Variants in RELN observed in about 807,000 individuals in gnomAD.
The protein encoded by RELN is reelin.
Under a neutral mutation model 427.6 loss-of-function variants are expected in RELN, and 108 were observed. That is an observed-to-expected ratio of 0.25 (90% CI 0.22 to 0.30). The LOEUF (loss-of-function observed/expected upper bound fraction) is 0.30. Among genes scored for constraint, RELN ranks in the 10% least tolerant of loss-of-function variants. The pLI, the probability that RELN is intolerant of heterozygous loss-of-function variation, is 1.00. For synonymous variants in RELN, 1,524 were observed against 1,513.4 expected (o/e 1.01, Z -0.16); for missense variants, 3,715 against 4,302.8 (o/e 0.86, Z 3.82).
At chr7:103,644,325 G>A (rs953327945) in intron 16 of RELN, among the ~76,000 whole-genome samples, 3 of 149,254 alleles carry the variant, frequency 2.0e-5, no homozygotes, top group African/African-American at 7.3e-5. Flanking sequence ...TGAGATCCAA[G>A]AGAAAGGTAA....
At position 103,748,666 on chromosome 7, in the gene RELN, C is replaced by T. The variant is rs115336039; in HGVS notation, c.656+760G>A. Among the ~76,000 whole-genome samples the T allele has an allele frequency of 5.0e-3, 760 of 152,302 alleles. 10 individuals are homozygous for T. The highest frequency in any genetic ancestry group is 0.017 in the African/African-American group (719 of 41,566). Reference sequence around the variant, plus strand: ...AACAGAAATGAATATCATATGCTGACATTCAAGGATGAAATGATTATTTTC... The same window carrying T: ...AACAGAAATGAATATCATATGCTGATATTCAAGGATGAAATGATTATTTTC... On this transcript the variant is annotated intron_variant, in intron 6 of 64. Coordinates refer to ENST00000428762, the MANE Select transcript of RELN (RefSeq NM_005045.4).
chr7:103,483,088 C>T, intron 62 of RELN, 117 bp from the exon 63 acceptor site: 1 of 815,912 alleles, frequency 1.2e-6, no homozygotes, highest in South Asian at 1.4e-5. Flanking sequence ...AAATGTTATG[C>T]ATGGAATTCA....
chr7:103,851,525 T>C (rs1793821353), intron 2 of RELN, among the ~76,000 whole-genome samples: 2 of 152,302 alleles, frequency 1.3e-5, no homozygotes, highest in South Asian at 4.1e-4. Context: ...CAATTTACGT[T>C]ATATGCAAGC....
intron 2 of RELN, among the ~76,000 whole-genome samples, chr7:103,874,601 T>C (rs1794431712): frequency 1.4e-5 from 2 of 145,682 alleles, no homozygotes; most frequent in Admixed American, 6.9e-5. Flanking sequence ...TGAACTCCCA[T>C]TCACAATTGC....
At chr7:103,606,411 G>A (rs1831821493) in intron 22 of RELN, among the ~76,000 whole-genome samples, 1 of 152,186 alleles carries the variant, frequency 6.6e-6, no homozygotes, top group Admixed American at 6.5e-5. Flanking sequence ...CCAGGACCCT[G>A]GTTCTGCAAC....
chr7:103,568,841 A>T (rs1474641459), intron 31 of RELN, among the ~76,000 whole-genome samples: 1 of 152,236 alleles, frequency 6.6e-6, no homozygotes, highest in African/African-American at 2.4e-5. Flanking sequence ...GAAATGAAGC[A>T]TCATGAGATA....
chr7:103,488,368 C>A (rs920084264), intron 60 of RELN, among the ~76,000 whole-genome samples: 6 of 152,200 alleles, frequency 3.9e-5, no homozygotes, highest in African/African-American at 1.4e-4. Flanking sequence ...AGGGCAAATT[C>A]CAGACATCGA....
At chr7:103,610,540 G>A (rs576628427) in intron 22 of RELN, among the ~76,000 whole-genome samples, 155 bp downstream of exon 22, 3 of 152,126 alleles carry the variant, frequency 2.0e-5, no homozygotes, top group African/African-American at 7.2e-5. Flanking sequence ...GAAAGGTTTT[G>A]GTCTTTTGAT....
rs1242226367 is a variant in RELN at position 103,535,461 on chromosome 7, C to A, written c.7204G>T (p.Asp2402Tyr). 6.2e-7 allele frequency: 1 copy of A among 1,613,898 alleles called. No individual in the cohort carries two copies. The change falls in exon 46 of 65, where the codon GAT becomes TAT. Residue 2402 changes from aspartate to tyrosine, a missense_variant. By Grantham distance (160) the Asp-to-Tyr change is radical. Transcript: ENST00000428762. ...AATGGGTGCCATGACAATCCAAGAT[C>A]TACTGAGTATTCCAATTCAATCGCT... Reference protein sequence around the residue: ...CYAIELEYSVDLGLSWHPLVR... With the variant: ...CYAIELEYSVYLGLSWHPLVR...
chr7:103,941,430 C>A (rs1043308140), intron 1 of RELN, among the ~76,000 whole-genome samples: 1 of 152,150 alleles, frequency 6.6e-6, no homozygotes, highest in Non-Finnish European at 1.5e-5. Flanking sequence ...TTCAGTCAAA[C>A]TCACAAGTAA....
At chr7:103,777,110 C>T (rs11496125) in intron 3 of RELN, among the ~76,000 whole-genome samples, 62,113 of 151,872 alleles carry the variant, frequency 0.41, 12,839 homozygotes, top group Middle Eastern at 0.51. Context: ...CTATTCAAAG[C>T]TTTCATAATA....
At chr7:103,855,455 C>T (rs774939146) in intron 2 of RELN, among the ~76,000 whole-genome samples, 51 of 152,234 alleles carry the variant, frequency 3.4e-4, no homozygotes, top group Middle Eastern at 6.8e-3. Flanking sequence ...TGGGTGCAGA[C>T]CAAGAGAGCA....
At chr7:103,818,107 A>G (rs1425697173) in intron 3 of RELN, among the ~76,000 whole-genome samples, 1 of 152,088 alleles carries the variant, frequency 6.6e-6, no homozygotes, top group Non-Finnish European at 1.5e-5. Flanking sequence ...CAAAAGAAAA[A>G]ATGGGAATTT....
chr7:103,570,600 TA>T (rs1391803311), intron 31 of RELN, among the ~76,000 whole-genome samples: 1 of 152,222 alleles, frequency 6.6e-6, no homozygotes, highest in East Asian at 1.9e-4. Context: ...GATCTACCCT[TA>T]GGTGGTCATT....
At chr7:103,719,273 T>C (rs540058) in intron 8 of RELN, among the ~76,000 whole-genome samples, 19,464 of 152,082 alleles carry the variant, frequency 0.13, 1,353 homozygotes, top group Middle Eastern at 0.29. Context: ...CTCCAATGTC[T>C]TGCCTGTATT....
At chr7:103,825,632 T>G (rs956099296) in intron 3 of RELN, among the ~76,000 whole-genome samples, 4 of 152,116 alleles carry the variant, frequency 2.6e-5, no homozygotes, top group Non-Finnish European at 4.4e-5. Flanking sequence ...GGGGAAATGA[T>G]AACAGATTAT....
At chr7:103,808,774 A>G (rs1294191426) in intron 3 of RELN, among the ~76,000 whole-genome samples, 1 of 152,134 alleles carries the variant, frequency 6.6e-6, no homozygotes, top group Non-Finnish European at 1.5e-5. Context: ...TAGAAATAGG[A>G]GGACAAAAAA....
chr7:103,552,446 A>G (rs942983277), intron 40 of RELN, among the ~76,000 whole-genome samples: 1 of 152,018 alleles, frequency 6.6e-6, no homozygotes, highest in Non-Finnish European at 1.5e-5. Flanking sequence ...TCTGATGAGT[A>G]AACTATTGAC....
chr7:103,826,126 C>A (rs1402428453), intron 3 of RELN, among the ~76,000 whole-genome samples: 3 of 151,538 alleles, frequency 2.0e-5, no homozygotes, highest in Admixed American at 6.6e-5. Context: ...CTCCTTTCTT[C>A]TTTCAGGTAT....
Sources: gnomAD v4.1 joint callset for allele counts (sites outside exome capture counted in the v4.1 genomes callset) on GRCh38, gnomAD v4.1.1 for gene constraint, MANE v1.5 for transcripts, NCBI Gene and HGNC (gene_info 2026-07-23, HGNC 2026-07-21) for gene names.